MAPK10: variants seen among roughly 807,000 people sequenced by gnomAD.
MAPK10 encodes mitogen-activated protein kinase 10.
A neutral mutation model predicts 59.3 loss-of-function variants in MAPK10; 25 were observed. That is an observed-to-expected ratio of 0.42 (90% CI 0.31 to 0.59). MAPK10 has a LOEUF of 0.59. MAPK10 is among the 20% of genes least tolerant of loss of function. The pLI, the probability that MAPK10 is intolerant of heterozygous loss-of-function variation, is 0.15. For synonymous variants in MAPK10, 190 were observed against 200.5 expected, an observed-to-expected ratio of 0.95 and a Z score of 0.44; for missense variants, 351 against 568.9, an observed-to-expected ratio of 0.62 and a Z score of 3.90.
intron 1 of MAPK10, among the ~76,000 whole-genome samples, chr4:86,577,541 T>C (rs915299972): frequency 8.5e-5 from 13 of 152,112 alleles, no homozygotes; most frequent in Non-Finnish European, 1.8e-4. Flanking sequence ...AGAAAGTCCC[T>C]GAAATGGAAA....
At chr4:86,250,438 T>A (rs1472569766) in intron 2 of MAPK10, among the ~76,000 whole-genome samples, 1 of 152,152 alleles carries the variant, frequency 6.6e-6, no homozygotes, top group Non-Finnish European at 1.5e-5. Context: ...AAATTAAGCA[T>A]CTCATAAAAA....
intron 10 of MAPK10, 104 bp downstream of exon 10, chr4:86,067,669 A>C: frequency 9.9e-7 from 1 of 1,011,452 alleles, no homozygotes; most frequent in East Asian, 2.6e-5. Flanking sequence ...GTGTCAACTA[A>C]AAATAAAAGG....
chr4:86,381,639 C>T (rs1242051487), intron 1 of MAPK10, among the ~76,000 whole-genome samples: 1 of 152,202 alleles, frequency 6.6e-6, no homozygotes, highest in Non-Finnish European at 1.5e-5. Context: ...CAGGAGCAGT[C>T]TCTCTCCCCT....
chr4:86,461,271 C>T (rs1250244418), intron 1 of MAPK10, among the ~76,000 whole-genome samples: 4 of 152,116 alleles, frequency 2.6e-5, no homozygotes, highest in Non-Finnish European at 4.4e-5. Flanking sequence ...TTGAGGAGGA[C>T]AGAAGTTACA....
chr4:86,168,904 A>C (rs1341654477), intron 3 of MAPK10, among the ~76,000 whole-genome samples: 4 of 152,190 alleles, frequency 2.6e-5, no homozygotes, highest in Non-Finnish European at 5.9e-5. Context: ...TTCGCGGTTC[A>C]CAAAAATCCA....
chr4:86,098,973 T>C (rs2054773832), intron 8 of MAPK10: 1 of 183,938 alleles, frequency 5.4e-6, no homozygotes, highest in African/African-American at 2.3e-5. Flanking sequence ...TAGAAAACAA[T>C]ATTAACTTGT....
chr4:86,543,916 G>GT (rs1758932242), intron 1 of MAPK10, among the ~76,000 whole-genome samples: 1 of 152,212 alleles, frequency 6.6e-6, no homozygotes, highest in East Asian at 1.9e-4. Context: ...AAACCTCACT[G>GT]TAACTAGCAG....
chr4:86,568,026 T>C (rs1370670417), intron 1 of MAPK10, among the ~76,000 whole-genome samples: 1 of 152,282 alleles, frequency 6.6e-6, no homozygotes, highest in East Asian at 1.9e-4. Flanking sequence ...ACTGATGATA[T>C]AATCTTATAC....
intron 1 of MAPK10, among the ~76,000 whole-genome samples, chr4:86,497,109 CA>C (rs1421020073): frequency 1.3e-5 from 2 of 152,132 alleles, no homozygotes; most frequent in Non-Finnish European, 2.9e-5. Flanking sequence ...ACACTCCAAA[CA>C]ATAAAAATTT....
chr4:86,034,486 G>A (rs1263124641), intron 11 of MAPK10, among the ~76,000 whole-genome samples: 2 of 152,072 alleles, frequency 1.3e-5, no homozygotes, highest in African/African-American at 2.4e-5. Flanking sequence ...CAAGTACATG[G>A]TCACTGTGAA....
At chr4:86,116,565 CT>C (rs2058322371) in intron 4 of MAPK10, among the ~76,000 whole-genome samples, 1 of 152,214 alleles carries the variant, frequency 6.6e-6, no homozygotes, top group Non-Finnish European at 1.5e-5. Flanking sequence ...GGCCATCCCC[CT>C]ATCTCATGTG....
chr4:86,217,912 G>T (rs1254494993), intron 2 of MAPK10, among the ~76,000 whole-genome samples: 1 of 151,944 alleles, frequency 6.6e-6, no homozygotes, highest in African/African-American at 2.4e-5. Flanking sequence ...ATGGAATGTT[G>T]TCCACAAAAT....
intron 2 of MAPK10, among the ~76,000 whole-genome samples, chr4:86,268,778 C>T (rs939167376): frequency 6.6e-6 from 1 of 152,150 alleles, no homozygotes; most frequent in Non-Finnish European, 1.5e-5. Context: ...ATTACTGGCC[C>T]AGTCTTGTCA....
intron 2 of MAPK10, among the ~76,000 whole-genome samples, chr4:86,227,323 T>C (rs908708741): frequency 6.6e-6 from 1 of 151,424 alleles, no homozygotes; most frequent in African/African-American, 2.4e-5. Flanking sequence ...CCGTCTCCAC[T>C]AAAAATACAA....
intron 3 of MAPK10, among the ~76,000 whole-genome samples, chr4:86,161,113 T>C (rs551780848): frequency 1.3e-5 from 2 of 151,996 alleles, no homozygotes; most frequent in Non-Finnish European, 2.9e-5. Flanking sequence ...AACCTAAGAT[T>C]GCATCGGATA....
intron 2 of MAPK10, among the ~76,000 whole-genome samples, chr4:86,223,356 T>C (rs916537873): frequency 6.6e-6 from 1 of 152,150 alleles, no homozygotes; most frequent in Non-Finnish European, 1.5e-5. Context: ...TCACCTATAA[T>C]GGCCATAACT....
At chr4:86,234,599 C>G (rs1362594430) in intron 2 of MAPK10, among the ~76,000 whole-genome samples, 1 of 151,916 alleles carries the variant, frequency 6.6e-6, no homozygotes, top group Non-Finnish European at 1.5e-5. Flanking sequence ...AATGTATTAA[C>G]AAGTAAGAGA....
chr4:86,051,556 A>G (rs902166863), intron 11 of MAPK10, among the ~76,000 whole-genome samples: 1 of 152,100 alleles, frequency 6.6e-6, no homozygotes, highest in African/African-American at 2.4e-5. Context: ...TCATTTAGGG[A>G]TTTTTAAATG....
At chr4:86,183,428 T>G (rs2077387147) in intron 3 of MAPK10, among the ~76,000 whole-genome samples, 1 of 152,058 alleles carries the variant, frequency 6.6e-6, no homozygotes, top group Admixed American at 6.6e-5. Flanking sequence ...CTGAGAATGA[T>G]GGCTTCCAGC....
Sources: gnomAD v4.1 joint callset for allele counts (sites outside exome capture counted in the v4.1 genomes callset) on GRCh38, gnomAD v4.1.1 for gene constraint, MANE v1.5 for transcripts, NCBI Gene and HGNC (gene_info 2026-07-23, HGNC 2026-07-21) for gene names.